The following NOMO2 variants were observed in gnomAD, a reference collection of about 807,000 sequenced individuals.
NOMO2 encodes NODAL modulator 2, also known as BOS complex subunit NOMO2.
In NOMO2, 14 loss-of-function variants were observed where a neutral mutation model predicts 67.1. The ratio of observed to expected loss-of-function variants is 0.21; its 90% CI spans 0.14 to 0.33. The LOEUF (loss-of-function observed/expected upper bound fraction) is 0.33, where lower values mean the gene tolerates loss of function less well. Ranked by LOEUF, NOMO2 falls within the 10% of genes least tolerant of loss-of-function variation. The pLI is 1.00. For missense variants in NOMO2, 178 were observed against 761.0 expected (o/e 0.23, Z 9.01); for synonymous variants, 80 against 305.9 (o/e 0.26, Z 7.71).
intron 6 of NOMO2, among the ~76,000 whole-genome samples, chr16:18,545,461 C>T (rs996055446): frequency 6.6e-6 from 1 of 151,712 alleles, no homozygotes; most frequent in African/African-American, 2.4e-5. Context: ...AAGTCATAAA[C>T]AGTAAGAAGA....
intron 5 of NOMO2, among the ~76,000 whole-genome samples, chr16:18,547,798 G>A (rs1453036275): frequency 6.6e-6 from 1 of 151,574 alleles, no homozygotes; most frequent in African/African-American, 2.4e-5. Flanking sequence ...ACTATGACAA[G>A]CTTTGAATCC....
At chr16:18,548,347 G>A (rs1354573698) in intron 5 of NOMO2, among the ~76,000 whole-genome samples, 2 of 151,704 alleles carry the variant, frequency 1.3e-5, no homozygotes, top group African/African-American at 4.8e-5. Flanking sequence ...TCAAGCAGAA[G>A]TAAATGTTAT....
intron 1 of NOMO2, among the ~76,000 whole-genome samples, chr16:18,559,693 C>A (rs71380596): frequency 0.03 from 4,532 of 151,714 alleles, 157 homozygotes; most frequent in South Asian, 0.072. Context: ...AATTCACCAG[C>A]CTAGACCGGT....
chr16:18,551,273 G>A (rs540235159), intron 4 of NOMO2, among the ~76,000 whole-genome samples, 166 bp downstream of exon 4: 7 of 152,082 alleles, frequency 4.6e-5, no homozygotes, highest in South Asian at 2.1e-4. Flanking sequence ...CACCTGCTGC[G>A]TTCTACACGG....
In NOMO2 at chr16:18,530,088, G is replaced by A. The variant is rs866590510; in HGVS notation, c.1670-451C>T. ...AGCCAAGGTCGCGCCACCACACTCCGGCCTGGGTGACAGAGCGAGGCTAAA... is the reference window on the plus strand; with the variant it reads ...AGCCAAGGTCGCGCCACCACACTCCAGCCTGGGTGACAGAGCGAGGCTAAA... On this transcript the variant is annotated intron_variant, in intron 14 of 30. Transcript: ENST00000622306. Among the ~76,000 whole-genome samples the A allele has an allele frequency of 5.2e-5, 6 of 115,748 alleles. No individual in the cohort carries two copies. The South Asian group carries it at 1.0e-3, about 20-fold the overall frequency. 75.9% of individuals were successfully genotyped at this position (115,748 alleles called of 152,430 possible).
At chr16:18,544,379 T>C (rs1296124899) in intron 6 of NOMO2, among the ~76,000 whole-genome samples, 1 of 152,074 alleles carries the variant, frequency 6.6e-6, no homozygotes, top group Non-Finnish European at 1.5e-5. Flanking sequence ...CCTTTTTTTC[T>C]ATTTTTAATG....
rs764247210 is a variant in NOMO2, at chr16:18,533,098, T to C, written c.1302A>G (p.Ser434=). Residue 434 remains serine, a synonymous_variant, in exon 12 of 31, where the codon TCA becomes TCG. Coordinates refer to ENST00000622306, the MANE Select transcript of NOMO2 (RefSeq NM_173614.4). ...CCAAAGACTTGTCCTTGTCTTGAGA[T>C]GACAGGACAACTTTGTATTTATTCA... ...KQMNKYKVVL[S]SQDKDKSLVT... is the part of the protein sequence containing the mutation. 3 of 1,611,122 alleles carry C rather than the reference T, an allele frequency of 1.9e-6. No individual in the cohort carries two copies. In the Admixed American group the frequency reaches 5.0e-5, roughly 27 times the overall value.
chr16:18,535,523 A>G (rs1901398727), intron 11 of NOMO2, among the ~76,000 whole-genome samples: 1 of 152,036 alleles, frequency 6.6e-6, no homozygotes, highest in South Asian at 2.1e-4. Flanking sequence ...CCATCTACCC[A>G]GTGGCTCAAA....
At chr16:18,544,938 G>A (rs1047495815) in intron 6 of NOMO2, among the ~76,000 whole-genome samples, 5 of 151,070 alleles carry the variant, frequency 3.3e-5, no homozygotes, top group Non-Finnish European at 7.4e-5. Context: ...AACACCCCAG[G>A]AGGATAAACA....
intron 15 of NOMO2, 199 bp downstream of exon 15, chr16:18,529,302 C>T (rs941472527): frequency 6.3e-6 from 4 of 634,346 alleles, no homozygotes; most frequent in Non-Finnish European, 1.1e-5. Flanking sequence ...GACAAGGAAA[C>T]CTCCTAAATA....
chr16:18,560,698 T>C (rs1902018318), intron 1 of NOMO2, among the ~76,000 whole-genome samples: 1 of 151,736 alleles, frequency 6.6e-6, no homozygotes, highest in Non-Finnish European at 1.5e-5. Context: ...GGTTCCACTG[T>C]TTCTCTCCCA....
At chr16:18,536,825 G>A (rs1194437300) in intron 11 of NOMO2, among the ~76,000 whole-genome samples, 1 of 152,122 alleles carries the variant, frequency 6.6e-6, no homozygotes, top group African/African-American at 2.4e-5. Flanking sequence ...ATTACTTTCT[G>A]AGGGTAATTT....
chr16:18,529,303 C>T lies in NOMO2; in HGVS notation c.1806+198G>A, dbSNP rs972537340. 5 of 636,678 alleles carry T rather than the reference C, an allele frequency of 7.9e-6. No homozygotes were observed. In the African/African-American group the frequency reaches 9.1e-5, roughly 12 times the overall value. 39.4% of individuals were successfully genotyped at this position (636,678 alleles called of 1,614,324 possible). A position where few individuals can be genotyped will look rare whatever the true frequency, so the allele number is the denominator to read the frequency against. ...TAGTGTAGGGCCAGGACAAGGAAACCTCCTAAATACAGGGGTCCTTCCACT... is the reference window on the plus strand; with the variant it reads ...TAGTGTAGGGCCAGGACAAGGAAACTTCCTAAATACAGGGGTCCTTCCACT... On this transcript the variant is annotated intron_variant, in intron 15 of 30. Coordinates refer to ENST00000622306, the MANE Select transcript of NOMO2 (RefSeq NM_173614.4).
chr16:18,535,971 T>C (rs573543856), intron 11 of NOMO2, among the ~76,000 whole-genome samples: 3 of 152,050 alleles, frequency 2.0e-5, no homozygotes, highest in African/African-American at 7.2e-5. Context: ...CAACCTTTTG[T>C]ATCTTTAGTA....
chr16:18,529,132 A>T (rs1022032469), intron 15 of NOMO2, among the ~76,000 whole-genome samples: 1 of 146,558 alleles, frequency 6.8e-6, no homozygotes, highest in African/African-American at 2.5e-5. Context: ...CATAACCCTG[A>T]GAAGTAGGTA....
At chr16:18,529,807 A>G (rs1208457936) in intron 14 of NOMO2, among the ~76,000 whole-genome samples, 170 bp from the exon 15 acceptor site, 1 of 150,658 alleles carries the variant, frequency 6.6e-6, no homozygotes, top group Non-Finnish European at 1.5e-5. Context: ...AGTATTTGGA[A>G]TAAATTACTG....
chr16:18,534,863 T>C (rs1901382282), intron 11 of NOMO2, among the ~76,000 whole-genome samples: 1 of 8,846 alleles, frequency 1.1e-4, no homozygotes, highest in East Asian at 1.1e-3. Flanking sequence ...AAAGGTTCCG[T>C]TATACTGAAG....
At chr16:18,536,092 G>A (rs1004905123) in intron 11 of NOMO2, among the ~76,000 whole-genome samples, 14 of 151,994 alleles carry the variant, frequency 9.2e-5, no homozygotes, top group African/African-American at 2.9e-4. Flanking sequence ...CACCATGCCC[G>A]GCCAACCAAC....
At chr16:18,554,442 T>TA (rs1301748803) in intron 3 of NOMO2, among the ~76,000 whole-genome samples, 2 of 151,942 alleles carry the variant, frequency 1.3e-5, no homozygotes, top group African/African-American at 2.4e-5. Flanking sequence ...ATTAATTCCA[T>TA]AAAAAATTAA....
Sources: allele counts gnomAD v4.1 joint callset (sites outside exome capture counted in the v4.1 genomes callset), GRCh38; gene constraint gnomAD v4.1.1; transcripts MANE v1.5; gene names NCBI Gene and HGNC (gene_info 2026-07-23, HGNC 2026-07-21).